CNTNAP2: variants seen among roughly 807,000 people sequenced by gnomAD.
The protein encoded by CNTNAP2 is contactin-associated protein-like 2.
In CNTNAP2, 98 loss-of-function variants were observed where a neutral mutation model predicts 155.2. That is an observed-to-expected ratio of 0.63 (90% CI 0.54 to 0.75). CNTNAP2 has a LOEUF of 0.75. CNTNAP2 is among the 30% of genes least tolerant of loss of function. The pLI, the probability that CNTNAP2 is intolerant of heterozygous loss-of-function variation, is 0.00. For synonymous variants in CNTNAP2, 651 were observed against 631.2 expected (o/e 1.03, Z -0.47); for missense variants, 1,727 against 1,688.1 (o/e 1.02, Z -0.40).
At chr7:147,657,753 G>A (rs1216681021) in intron 13 of CNTNAP2, among the ~76,000 whole-genome samples, 1 of 152,176 alleles carries the variant, frequency 6.6e-6, no homozygotes, top group Non-Finnish European at 1.5e-5. Context: ...TAATGAGAAA[G>A]TAGATTAATG....
chr7:146,878,560 C>A (rs1471890184), intron 3 of CNTNAP2, among the ~76,000 whole-genome samples: 1 of 151,988 alleles, frequency 6.6e-6, no homozygotes, highest in South Asian at 2.1e-4. Flanking sequence ...CGCTGTCATT[C>A]TCTTTTGAAA....
chr7:146,821,207 A>G (rs1468062066), intron 2 of CNTNAP2, among the ~76,000 whole-genome samples: 2 of 152,140 alleles, frequency 1.3e-5, no homozygotes, highest in Non-Finnish European at 2.9e-5. Context: ...TCCTGTCATT[A>G]TGATGTTAGC....
chr7:148,362,888 A>C (rs1409944990), intron 21 of CNTNAP2, among the ~76,000 whole-genome samples: 1 of 152,262 alleles, frequency 6.6e-6, no homozygotes, highest in Non-Finnish European at 1.5e-5. Flanking sequence ...GTGCAAAAGC[A>C]ATACCCATTC....
chr7:147,562,531 G>A (rs1166051387), intron 12 of CNTNAP2, among the ~76,000 whole-genome samples: 2 of 152,122 alleles, frequency 1.3e-5, no homozygotes, highest in East Asian at 3.9e-4. Flanking sequence ...AGAAAGTAAA[G>A]TTGCAAAGTT....
At chr7:146,429,269 A>G (rs1207079508) in intron 1 of CNTNAP2, among the ~76,000 whole-genome samples, 1 of 152,100 alleles carries the variant, frequency 6.6e-6, no homozygotes. Context: ...TTCTGTGAAG[A>G]ATTTCCAATG....
chr7:148,186,606 G>T (rs377136039), intron 18 of CNTNAP2, among the ~76,000 whole-genome samples: 1 of 152,160 alleles, frequency 6.6e-6, no homozygotes, highest in South Asian at 2.1e-4. Flanking sequence ...CTCTATTAAA[G>T]ATGGAGAATG....
At chr7:148,190,012 C>CAAAAGCT (rs1562989357) in intron 18 of CNTNAP2, 1 of 152,212 alleles carries the variant, frequency 6.6e-6, no homozygotes, top group Non-Finnish European at 1.5e-5. Context: ...TCTCCTGACA[C>CAAAAGCT]CTGTGCTTCC....
At chr7:147,428,377 T>G (rs955274897) in intron 10 of CNTNAP2, among the ~76,000 whole-genome samples, 1 of 152,198 alleles carries the variant, frequency 6.6e-6, no homozygotes, top group Non-Finnish European at 1.5e-5. Context: ...TCTTCATTTT[T>G]CATCTAGACA....
chr7:148,173,496 G>T (rs375962752), intron 18 of CNTNAP2, among the ~76,000 whole-genome samples: 2 of 152,300 alleles, frequency 1.3e-5, no homozygotes, highest in African/African-American at 4.8e-5. Context: ...ACAGAAGGAG[G>T]AATTGTTCCA....
At chr7:147,735,492 T>C (rs918244580) in intron 13 of CNTNAP2, among the ~76,000 whole-genome samples, 4 of 152,188 alleles carry the variant, frequency 2.6e-5, no homozygotes, top group African/African-American at 9.7e-5. Context: ...GAAGAATGTA[T>C]ATTCTGTTGA....
In CNTNAP2 at chr7:147,197,285, C is replaced by T. The variant is rs146531267; in HGVS notation, c.1348+64776C>T. On this transcript the variant is annotated intron_variant, in intron 8 of 23. Transcript: ENST00000361727. ...GAAAAACCTCTAGGGGGTATTTAAA[C>T]CCCAGTAAATTCTGTAAACTGGCCC... 2.2e-3 allele frequency among the ~76,000 whole-genome samples: 335 copies of T among 152,224 alleles called. 3 individuals are homozygous for T. Among genetic ancestry groups the T allele is most frequent in the African/African-American group, 7.8e-3 (323 of 41,546 alleles).
intron 14 of CNTNAP2, among the ~76,000 whole-genome samples, chr7:147,919,882 C>T (rs184677184): frequency 2.0e-3 from 301 of 151,826 alleles, no homozygotes; most frequent in African/African-American, 6.6e-3. Flanking sequence ...CCACCGTGCC[C>T]GGCCACATTT....
At chr7:146,948,306 TAAAG>T (rs1480414692) in intron 3 of CNTNAP2, among the ~76,000 whole-genome samples, 3 of 84,140 alleles carry the variant, frequency 3.6e-5, no homozygotes, top group African/African-American at 1.2e-4. Flanking sequence ...AAGCCTAAAA[TAAAG>T]ACAGAAAAAT....
intron 1 of CNTNAP2, among the ~76,000 whole-genome samples, chr7:146,390,194 T>C (rs1005563879): frequency 2.6e-5 from 4 of 152,212 alleles, no homozygotes; most frequent in African/African-American, 9.7e-5. Flanking sequence ...ATTTTGCTCT[T>C]CGTAAATATG....
At chr7:146,373,027 A>G (rs115819580) in intron 1 of CNTNAP2, among the ~76,000 whole-genome samples, 1 of 152,160 alleles carries the variant, frequency 6.6e-6, no homozygotes. Context: ...GGGTGAAACT[A>G]GTAGAGAAAA....
intron 4 of CNTNAP2, among the ~76,000 whole-genome samples, chr7:147,051,220 A>T (rs1482178943): frequency 1.3e-5 from 2 of 149,104 alleles, no homozygotes; most frequent in Non-Finnish European, 3.0e-5. Flanking sequence ...TTAAGAATTT[A>T]TGTTTACATC....
intron 11 of CNTNAP2, among the ~76,000 whole-genome samples, chr7:147,503,424 C>T (rs1032317010): frequency 2.6e-5 from 4 of 152,140 alleles, no homozygotes; most frequent in African/African-American, 9.7e-5. Flanking sequence ...ACGATCCCAT[C>T]ATGAGTTTGG....
intron 1 of CNTNAP2, among the ~76,000 whole-genome samples, chr7:146,632,121 T>C (rs1799520685): frequency 6.6e-6 from 1 of 152,168 alleles, no homozygotes. Context: ...CTGTATGCTT[T>C]AGTTTCATCA....
chr7:146,694,615 G>A (rs1032932979), intron 1 of CNTNAP2, among the ~76,000 whole-genome samples: 4 of 152,058 alleles, frequency 2.6e-5, no homozygotes, highest in Non-Finnish European at 5.9e-5. Context: ...TAGAATCAGT[G>A]TGTCAATATT....
Sources: gnomAD v4.1 joint callset for allele counts (sites outside exome capture counted in the v4.1 genomes callset) on GRCh38, gnomAD v4.1.1 for gene constraint, MANE v1.5 for transcripts, NCBI Gene and HGNC (gene_info 2026-07-23, HGNC 2026-07-21) for gene names.